BMPR1B: variants seen among roughly 807,000 people sequenced by gnomAD.
BMPR1B encodes the protein bone morphogenetic protein receptor type 1B.
Under a neutral mutation model 59.1 loss-of-function variants are expected in BMPR1B, and 12 were observed. The observed-to-expected ratio is 0.20, with a 90% CI of 0.13 to 0.33. The LOEUF is 0.33. Among genes scored for constraint, BMPR1B ranks in the 10% least tolerant of loss-of-function variants. BMPR1B has a pLI of 1.00. For missense variants in BMPR1B, 550 were observed against 610.9 expected (o/e 0.90, Z 1.05); for synonymous variants, 237 against 207.3 (o/e 1.14, Z -1.23).
chr4:94,793,607 T>G (rs1418725974), intron 1 of BMPR1B, among the ~76,000 whole-genome samples: 1 of 148,074 alleles, frequency 6.8e-6, no homozygotes, highest in Non-Finnish European at 1.5e-5. Flanking sequence ...ACTTCCACAA[T>G]GGTTGAACTA....
intron 1 of BMPR1B, among the ~76,000 whole-genome samples, chr4:94,800,596 C>G (rs1723370379): frequency 6.6e-6 from 1 of 151,824 alleles, no homozygotes; most frequent in Non-Finnish European, 1.5e-5. Context: ...TCTGGCTTGC[C>G]CCTGCATTTC....
At chr4:95,031,868 A>G (rs541134836) in intron 3 of BMPR1B, among the ~76,000 whole-genome samples, 4 of 152,250 alleles carry the variant, frequency 2.6e-5, no homozygotes, top group East Asian at 1.9e-4. Context: ...TCAAGGCTCC[A>G]GTGAGAATGG....
intron 1 of BMPR1B, among the ~76,000 whole-genome samples, chr4:94,867,014 A>G (rs187529434): frequency 3.2e-4 from 49 of 152,280 alleles, no homozygotes; most frequent in Non-Finnish European, 6.5e-4. Context: ...GTAGGGCCCC[A>G]TATTGAGCAC....
chr4:95,116,119 A>C (rs1007038347), intron 6 of BMPR1B, among the ~76,000 whole-genome samples: 1 of 152,134 alleles, frequency 6.6e-6, no homozygotes, highest in Non-Finnish European at 1.5e-5. Flanking sequence ...TAGTTCACCC[A>C]AAAACTACCA....
chr4:94,992,250 G>T (rs552272402), intron 2 of BMPR1B, among the ~76,000 whole-genome samples: 65 of 152,244 alleles, frequency 4.3e-4, no homozygotes, highest in Admixed American at 1.0e-3. Flanking sequence ...CTATCTTTCT[G>T]CTACCCCTCA....
intron 1 of BMPR1B, among the ~76,000 whole-genome samples, chr4:94,829,940 A>T (rs1019067135): frequency 6.6e-6 from 1 of 152,192 alleles, no homozygotes; most frequent in Non-Finnish European, 1.5e-5. Context: ...AGGCAGTTTT[A>T]TTTAGATAAA....
chr4:95,062,596 A>G (rs1355118481), intron 3 of BMPR1B, among the ~76,000 whole-genome samples: 1 of 152,156 alleles, frequency 6.6e-6, no homozygotes, highest in Non-Finnish European at 1.5e-5. Context: ...CTAACTAGCT[A>G]TGACTGCAAA....
chr4:94,761,673 C>A (rs545059797), intron 1 of BMPR1B, among the ~76,000 whole-genome samples: 58 of 152,158 alleles, frequency 3.8e-4, no homozygotes, highest in Non-Finnish European at 7.6e-4. Context: ...CCTCCAGTCC[C>A]TCTTCCAGTT....
At chr4:94,884,164 T>G (rs1281089636) in intron 2 of BMPR1B, among the ~76,000 whole-genome samples, 1 of 152,184 alleles carries the variant, frequency 6.6e-6, no homozygotes, top group Non-Finnish European at 1.5e-5. Flanking sequence ...TGAAAGCCTT[T>G]AGTAGATTTT....
intron 2 of BMPR1B, among the ~76,000 whole-genome samples, chr4:94,965,562 A>AT (rs1194581136): frequency 6.6e-6 from 1 of 152,132 alleles, no homozygotes; most frequent in Non-Finnish European, 1.5e-5. Context: ...GTTATAAGCT[A>AT]TTTTTTGCTT....
intron 2 of BMPR1B, among the ~76,000 whole-genome samples, chr4:94,921,242 A>G (rs1728675325): frequency 6.6e-6 from 1 of 152,166 alleles, no homozygotes; most frequent in African/African-American, 2.4e-5. Context: ...TAGCTTGGCT[A>G]ATATTGATAC....
chr4:94,949,997 A>G (rs1348609790), intron 2 of BMPR1B, among the ~76,000 whole-genome samples: 7 of 152,298 alleles, frequency 4.6e-5, no homozygotes, highest in Non-Finnish European at 2.9e-5. Flanking sequence ...CTGGCGTGAG[A>G]TGATATCTCA....
intron 3 of BMPR1B, among the ~76,000 whole-genome samples, chr4:95,039,757 AT>A (rs1216217821): frequency 6.6e-6 from 1 of 151,520 alleles, no homozygotes; most frequent in African/African-American, 2.4e-5. Context: ...ACATTATGAG[AT>A]TTTTTTTGCA....
chr4:94,847,472 A>T (rs1259512234), intron 1 of BMPR1B, among the ~76,000 whole-genome samples: 1 of 152,200 alleles, frequency 6.6e-6, no homozygotes, highest in East Asian at 1.9e-4. Flanking sequence ...GTTATCGAAT[A>T]GATATTTGCA....
intron 1 of BMPR1B, among the ~76,000 whole-genome samples, chr4:94,783,650 C>T (rs1460655394): frequency 6.6e-5 from 10 of 152,180 alleles, no homozygotes; most frequent in African/African-American, 2.2e-4. Flanking sequence ...AGATGGTAGC[C>T]TCTGGTCTCC....
chr4:95,140,808 A>G (rs1734178897), intron 10 of BMPR1B, among the ~76,000 whole-genome samples: 1 of 152,194 alleles, frequency 6.6e-6, no homozygotes, highest in African/African-American at 2.4e-5. Context: ...TAGCAAAGTA[A>G]CTGAGACTCA....
intron 1 of BMPR1B, among the ~76,000 whole-genome samples, chr4:94,812,864 T>G (rs1188468580): frequency 6.6e-6 from 1 of 152,240 alleles, no homozygotes; most frequent in Admixed American, 6.5e-5. Context: ...TTAATAAATT[T>G]ATTTTAAATA....
chr4:94,767,953 G>C (rs1035015720), intron 1 of BMPR1B, among the ~76,000 whole-genome samples: 9 of 151,780 alleles, frequency 5.9e-5, no homozygotes, highest in African/African-American at 2.2e-4. Context: ...ATTCTGTGAA[G>C]TATGTTAAGA....
chr4:94,831,158 A>G (rs1334726794), intron 1 of BMPR1B, among the ~76,000 whole-genome samples: 1 of 148,720 alleles, frequency 6.7e-6, no homozygotes, highest in African/African-American at 2.5e-5. Context: ...AGACAGTGAC[A>G]TTGGTGATCC....
Sources: allele counts gnomAD v4.1 joint callset (sites outside exome capture counted in the v4.1 genomes callset), GRCh38; gene constraint gnomAD v4.1.1; transcripts MANE v1.5; gene names NCBI Gene and HGNC (gene_info 2026-07-23, HGNC 2026-07-21).